KIF15: variants seen among roughly 807,000 people sequenced by gnomAD.
KIF15 encodes kinesin family member 15, also known as kinesin-like protein KIF15.
KIF15 carries 140 observed loss-of-function variants against 190.6 expected under a neutral mutation model. The ratio of observed to expected loss-of-function variants is 0.73; its 90% CI spans 0.64 to 0.84. The LOEUF (loss-of-function observed/expected upper bound fraction) is 0.84. Ranked by LOEUF, KIF15 falls within the 40% of genes least tolerant of loss-of-function variation. The pLI, the probability that KIF15 is intolerant of heterozygous loss-of-function variation, is 0.00. For missense variants in KIF15, 1,372 were observed against 1,584.4 expected (o/e 0.87, Z 2.28); for synonymous variants, 528 against 551.3 (o/e 0.96, Z 0.59).
chr3:44,803,936 C>T (rs1310180135), intron 14 of KIF15, among the ~76,000 whole-genome samples: 2 of 152,138 alleles, frequency 1.3e-5, no homozygotes, highest in Admixed American at 6.5e-5. Context: ...ACTGCAACCT[C>T]CACCTCCTGG....
intron 16 of KIF15, among the ~76,000 whole-genome samples, chr3:44,808,941 G>T (rs1480589226): frequency 6.6e-6 from 1 of 152,186 alleles, no homozygotes; most frequent in Non-Finnish European, 1.5e-5. Context: ...TTAACCCTAG[G>T]TTTCTATGGC....
chr3:44,761,880 CAAAAG>C lies in KIF15; in HGVS notation c.16_19+1del. On this transcript the variant is annotated splice_donor_variant and coding_sequence_variant, in exon 1 of 35. Coordinates refer to ENST00000326047, the MANE Select transcript of KIF15 (RefSeq NM_020242.3). LOFTEE classifies it high-confidence loss of function. ...GTGAGGGCGCTATGGCACCCGGCTG[CAAAAG>C]TAAGTCTGGGCCCCCGGCTTCGTTA... 1 of 1,614,160 alleles carries C rather than the reference CAAAAG, an allele frequency of 6.2e-7. No individual in the cohort carries two copies. Among genetic ancestry groups the C allele is most frequent in the Non-Finnish European group, 8.5e-7 (1 of 1,180,020 alleles).
chr3:44,856,448 A>G (rs1175110532), downstream of KIF15, among the ~76,000 whole-genome samples: 8 of 152,234 alleles, frequency 5.3e-5, no homozygotes, highest in Non-Finnish European at 2.9e-5. Flanking sequence ...CTTGTAACCT[A>G]CATGGAAGAG....
rs1489505083 is a variant in KIF15 at position 44,821,118 on chromosome 3, C to T, written c.2550-4921C>T. Among the ~76,000 whole-genome samples the T allele has an allele frequency of 3.4e-5, 5 of 145,760 alleles. 1 individual carries two copies. The highest frequency in any genetic ancestry group is 2.2e-4 in the South Asian group (1 of 4,638). ...CTCCCTCCCGGACCGGGCGGCTGGC[C>T]GGGCGGGGGGCTGACCCCCCCACCT... On this transcript the variant is annotated intron_variant, in intron 20 of 34. Transcript: ENST00000326047.
At position 44,784,868 on chromosome 3, in the gene KIF15, T is replaced by G; in HGVS notation, c.385T>G (p.Ser129Ala). The change falls in exon 6 of 35, where the codon TCT (serine) becomes GCT (alanine). Residue 129 changes from serine to alanine, a missense_variant. Transcript: ENST00000326047. The stretch of plus-strand genomic sequence containing the variant: ...AGGACCATCTGAATCTGATAATTTT[T>G]CTCATAACCTGAGAGGAGTAATCCC... ...MMGPSESDNF[S>A]HNLRGVIPRS... The G allele has an allele frequency of 1.3e-6, 2 of 1,564,538 alleles. No individual in the cohort carries two copies. The highest frequency in any genetic ancestry group is 1.7e-6 in the Non-Finnish European group (2 of 1,149,950).
At chr3:44,795,706 G>A (rs1307021068) in intron 8 of KIF15, among the ~76,000 whole-genome samples, 1 of 151,642 alleles carries the variant, frequency 6.6e-6, no homozygotes, top group Non-Finnish European at 1.5e-5. Flanking sequence ...ATAGTAATAC[G>A]AATTGTCAAT....
At chr3:44,807,649 T>G (rs999027404) in intron 16 of KIF15, among the ~76,000 whole-genome samples, 2 of 152,142 alleles carry the variant, frequency 1.3e-5, no homozygotes, top group Non-Finnish European at 2.9e-5. Flanking sequence ...ATTTTCTCAC[T>G]TTACACAAAT....
At chr3:44,840,318 A>G in intron 27 of KIF15, 37 bp from the exon 28 acceptor site, 1 of 1,243,428 alleles carries the variant, frequency 8.0e-7, no homozygotes, top group Non-Finnish European at 1.2e-6. Context: ...ACCCCATATT[A>G]CTAAGTTGTA....
chr3:44,791,671 T>A (rs1184413979), intron 7 of KIF15, among the ~76,000 whole-genome samples: 1 of 152,222 alleles, frequency 6.6e-6, no homozygotes, highest in Non-Finnish European at 1.5e-5. Context: ...TATTTGCTTT[T>A]TCCCCTTATG....
At chr3:44,818,219 T>C (rs1028017460) in intron 20 of KIF15, among the ~76,000 whole-genome samples, 5 of 152,224 alleles carry the variant, frequency 3.3e-5, no homozygotes, top group South Asian at 2.1e-4. Flanking sequence ...CTTTTCCTAA[T>C]TGAATACACT....
chr3:44,857,762 A>G (rs1699202836), downstream of KIF15, among the ~76,000 whole-genome samples: 2 of 152,334 alleles, frequency 1.3e-5, no homozygotes, highest in Non-Finnish European at 2.9e-5. Context: ...GGTTTGAGAG[A>G]TCAGTCAGAC....
At chr3:44,856,602 C>G (rs902282673), downstream of KIF15, among the ~76,000 whole-genome samples, 1 of 152,050 alleles carries the variant, frequency 6.6e-6, no homozygotes, top group African/African-American at 2.4e-5. Flanking sequence ...ACTGATGAGA[C>G]GGAGAAAAAC....
At chr3:44,777,665 G>A (rs766215689) in intron 3 of KIF15, among the ~76,000 whole-genome samples, 8 of 152,148 alleles carry the variant, frequency 5.3e-5, no homozygotes, top group Non-Finnish European at 1.0e-4. Context: ...CACTAAAGGC[G>A]ACAGAGTGAG....
intron 5 of KIF15, among the ~76,000 whole-genome samples, chr3:44,784,024 G>A (rs1019021073): frequency 6.6e-6 from 1 of 152,150 alleles, no homozygotes; most frequent in African/African-American, 2.4e-5. Flanking sequence ...TGGAAATCTT[G>A]TAAGATATTC....
chr3:44,832,785 C>T lies in KIF15; in HGVS notation c.3171+1767C>T, dbSNP rs536695524. On this transcript the variant is annotated intron_variant, in intron 26 of 34. Coordinates refer to ENST00000326047, the MANE Select transcript of KIF15 (RefSeq NM_020242.3). ...ATCCCAGCATTTTGGGAGGCCGAGG[C>T]GGGTGGATCACTTGAGGTCAGGAGT... Among the ~76,000 whole-genome samples the T allele has an allele frequency of 3.9e-5, 6 of 152,004 alleles. No individual in the cohort carries two copies. In the South Asian group the frequency reaches 8.3e-4, roughly 21 times the overall value.
chr3:44,821,390 G>C (rs568571432), intron 20 of KIF15, among the ~76,000 whole-genome samples: 2,691 of 135,102 alleles, frequency 0.02, 70 homozygotes, highest in African/African-American at 0.068. Context: ...GGGCGGAGGG[G>C]CTCCTCACTT....
intron 7 of KIF15, among the ~76,000 whole-genome samples, chr3:44,789,642 TTATATATATATATATATA>T (rs56009369): frequency 0.029 from 3,270 of 113,538 alleles, 80 homozygotes; most frequent in East Asian, 0.055. Flanking sequence ...TTGTCTAATT[TTATATATATATATATATA>T]TATATATATA....
At chr3:44,848,140 A>G (rs774165739) in intron 31 of KIF15, 83 bp downstream of exon 31, 30 of 826,132 alleles carry the variant, frequency 3.6e-5, no homozygotes, top group Admixed American at 7.7e-5. Flanking sequence ...TATTTTAGAA[A>G]TCATTTTACT....
At chr3:44,831,789 G>T (rs1335857611) in intron 26 of KIF15, among the ~76,000 whole-genome samples, 1 of 151,990 alleles carries the variant, frequency 6.6e-6, no homozygotes, top group African/African-American at 2.4e-5. Flanking sequence ...TCAGTTTCTT[G>T]TGTAACTTTC....
Sources: allele counts gnomAD v4.1 joint callset (sites outside exome capture counted in the v4.1 genomes callset), GRCh38; gene constraint gnomAD v4.1.1; transcripts MANE v1.5; gene names NCBI Gene and HGNC (gene_info 2026-07-23, HGNC 2026-07-21).